The following DPF3 variants were observed in gnomAD, a reference collection of about 807,000 sequenced individuals.
DPF3 encodes double PHD fingers 3.
In DPF3, 18 loss-of-function variants were observed where a neutral mutation model predicts 56.8. The ratio of observed to expected loss-of-function variants is 0.32; its 90% CI spans 0.22 to 0.47. The LOEUF is 0.47. DPF3 is among the 20% of genes least tolerant of loss of function. The pLI is 1.00. For synonymous variants in DPF3, 188 were observed against 180.2 expected (o/e 1.04, Z -0.35); for missense variants, 403 against 488.8 (o/e 0.82, Z 1.65).
chr14:72,795,622 C>T (rs1019617126), intron 1 of DPF3, among the ~76,000 whole-genome samples: 1 of 152,140 alleles, frequency 6.6e-6, no homozygotes, highest in African/African-American at 2.4e-5. Context: ...ACCAGTTTGA[C>T]GTGAAGTACT....
chr14:72,840,240 G>C (rs773196105), intron 1 of DPF3, among the ~76,000 whole-genome samples: 1 of 152,150 alleles, frequency 6.6e-6, no homozygotes, highest in East Asian at 1.9e-4. Flanking sequence ...CCAAGCTCTC[G>C]CCAAGGTAAC....
At chr14:72,653,831 A>G (rs1162745398) in intron 8 of DPF3, among the ~76,000 whole-genome samples, 1 of 152,200 alleles carries the variant, frequency 6.6e-6, no homozygotes, top group Non-Finnish European at 1.5e-5. Flanking sequence ...GGAAATGCCC[A>G]TGGAATTGAC....
At chr14:72,698,307 TGA>T (rs1206112134) in intron 6 of DPF3, among the ~76,000 whole-genome samples, 1 of 152,202 alleles carries the variant, frequency 6.6e-6, no homozygotes. Flanking sequence ...ATAAATTACA[TGA>T]GATATTCAAT....
chr14:72,736,704 C>A (rs1271813082), intron 3 of DPF3, among the ~76,000 whole-genome samples: 3 of 151,992 alleles, frequency 2.0e-5, no homozygotes, highest in Non-Finnish European at 2.9e-5. Context: ...TCTATTGAGC[C>A]CTTAGGGATT....
intron 1 of DPF3, among the ~76,000 whole-genome samples, chr14:72,878,900 G>C (rs1463455680): frequency 6.6e-6 from 1 of 152,230 alleles, no homozygotes; most frequent in Admixed American, 6.5e-5. Flanking sequence ...GAAACTGAAG[G>C]CTCTTTGGGG....
intron 4 of DPF3, among the ~76,000 whole-genome samples, chr14:72,726,416 C>T (rs2139846645): frequency 6.6e-6 from 1 of 152,300 alleles, no homozygotes; most frequent in South Asian, 2.1e-4. Flanking sequence ...ACATGGCCTC[C>T]ATATCTGGGA....
intron 9 of DPF3, among the ~76,000 whole-genome samples, chr14:72,621,955 C>T (rs75937225): frequency 1.3e-5 from 2 of 152,112 alleles, no homozygotes; most frequent in Admixed American, 6.5e-5. Context: ...TAGGGATGAC[C>T]TGGAGGCTGT....
chr14:72,815,857 T>C (rs938849189), intron 1 of DPF3, among the ~76,000 whole-genome samples: 1 of 152,228 alleles, frequency 6.6e-6, no homozygotes, highest in Admixed American at 6.5e-5. Flanking sequence ...CCTTGACCCA[T>C]GGCCCCTTCC....
chr14:72,637,978 A>G lies in DPF3; in HGVS notation c.872-8242T>C, dbSNP rs536323941. ...TAAAGGACTTTTCATCAACCATACCACCCACCGCCATGCAATAAGTTAGGC... is the reference window on the plus strand; with the variant it reads ...TAAAGGACTTTTCATCAACCATACCGCCCACCGCCATGCAATAAGTTAGGC... On this transcript the variant is annotated intron_variant, in intron 8 of 10. Transcript: ENST00000556509. Among the ~76,000 whole-genome samples, 5 of 152,078 alleles carry G rather than the reference A, an allele frequency of 3.3e-5. No individual in the cohort carries two copies. In the East Asian group the frequency reaches 9.7e-4, roughly 29 times the overall value.
At chr14:72,822,960 C>T (rs1275458517) in intron 1 of DPF3, among the ~76,000 whole-genome samples, 1 of 152,220 alleles carries the variant, frequency 6.6e-6, no homozygotes, top group Non-Finnish European at 1.5e-5. Flanking sequence ...CACCCAATTT[C>T]CCAGAAGCCC....
At chr14:72,868,484 T>C (rs763174958) in intron 1 of DPF3, among the ~76,000 whole-genome samples, 1 of 152,158 alleles carries the variant, frequency 6.6e-6, no homozygotes, top group African/African-American at 2.4e-5. Flanking sequence ...GAAAATCCGA[T>C]TGCATGGCCT....
intron 2 of DPF3, among the ~76,000 whole-genome samples, chr14:72,760,083 G>T (rs1891004456): frequency 6.6e-6 from 1 of 152,208 alleles, no homozygotes; most frequent in African/African-American, 2.4e-5. Flanking sequence ...ACAAAGGAAT[G>T]AACAGCATCA....
At chr14:72,864,725 A>T (rs10146134) in intron 1 of DPF3, among the ~76,000 whole-genome samples, 46,312 of 152,022 alleles carry the variant, frequency 0.3, 7,273 homozygotes, top group South Asian at 0.41. Context: ...TTCTATAATC[A>T]GTAGGAGCCA....
Position 72,887,160 on chromosome 14 carries a change from C to T in DPF3, c.32+6897G>A, listed in dbSNP as rs1599527411. On this transcript the variant is annotated intron_variant, in intron 1 of 10. Coordinates refer to ENST00000556509, the MANE Select transcript of DPF3 (RefSeq NM_001280542.3). ...TTACCCTTCTGCCTCCAAACACACA[C>T]ACACACACACACACACACACACACA... 3.2e-5 allele frequency among the ~76,000 whole-genome samples: 3 copies of T among 93,198 alleles called. No individual in the cohort carries two copies. In the Admixed American group the frequency reaches 3.4e-4, roughly 11 times the overall value. 61.1% of individuals were successfully genotyped at this position (93,198 alleles called of 152,430 possible).
intron 2 of DPF3, among the ~76,000 whole-genome samples, chr14:72,764,438 T>C (rs940304159): frequency 6.6e-6 from 1 of 150,922 alleles, no homozygotes; most frequent in African/African-American, 2.4e-5. Context: ...ATACATGTCC[T>C]TCGTAATAAA....
intron 4 of DPF3, among the ~76,000 whole-genome samples, chr14:72,726,386 G>A (rs1889406854): frequency 6.6e-6 from 1 of 152,180 alleles, no homozygotes; most frequent in Non-Finnish European, 1.5e-5. Flanking sequence ...AGAGGCAGCT[G>A]AGCTAGTCCC....
intron 8 of DPF3, chr14:72,661,059 C>G: frequency 1.0e-6 from 1 of 985,460 alleles, no homozygotes; most frequent in Non-Finnish European, 1.2e-6. Flanking sequence ...GCATTGGAAA[C>G]AGACTTTTTA....
chr14:72,839,526 G>A (rs999804473), intron 1 of DPF3, among the ~76,000 whole-genome samples: 9 of 152,142 alleles, frequency 5.9e-5, no homozygotes, highest in East Asian at 5.8e-4. Flanking sequence ...CTGACTCCCC[G>A]AGGGACTGGC....
intron 1 of DPF3, among the ~76,000 whole-genome samples, chr14:72,826,346 C>T (rs974922910): frequency 6.6e-6 from 1 of 152,186 alleles, no homozygotes; most frequent in African/African-American, 2.4e-5. Context: ...AATTAATCCT[C>T]TAGGCTTCCT....
Sources: gnomAD v4.1 joint callset for allele counts (sites outside exome capture counted in the v4.1 genomes callset) on GRCh38, gnomAD v4.1.1 for gene constraint, MANE v1.5 for transcripts, NCBI Gene and HGNC (gene_info 2026-07-23, HGNC 2026-07-21) for gene names.